JAK1: variants seen among roughly 807,000 people sequenced by gnomAD.
JAK1 encodes Janus kinase 1.
JAK1 carries 16 observed loss-of-function variants against 136.6 expected under a neutral mutation model. That is an observed-to-expected ratio of 0.12 (90% CI 0.08 to 0.18). The LOEUF is 0.18. JAK1 is among the 10% of genes least tolerant of loss of function. The pLI is 1.00. For synonymous variants in JAK1, 492 were observed against 519.5 expected, an observed-to-expected ratio of 0.95 and a Z score of 0.72; for missense variants, 859 against 1,450.1, an observed-to-expected ratio of 0.59 and a Z score of 6.62.
chr1:64,882,832 G>C (rs916027509), intron 3 of JAK1, among the ~76,000 whole-genome samples: 1 of 152,194 alleles, frequency 6.6e-6, no homozygotes, highest in African/African-American at 2.4e-5. Flanking sequence ...GCAGCAGAAG[G>C]AGGGGTCAAA....
At chr1:65,059,018 A>T (rs1444971076) in intron 1 of JAK1, among the ~76,000 whole-genome samples, 1 of 152,094 alleles carries the variant, frequency 6.6e-6, no homozygotes, top group East Asian at 1.9e-4. Flanking sequence ...AACATTCAAA[A>T]CTGCTCTATA....
intron 20 of JAK1, among the ~76,000 whole-genome samples, chr1:64,838,921 G>C (rs953061711): frequency 1.8e-4 from 27 of 151,746 alleles, no homozygotes; most frequent in Non-Finnish European, 3.4e-4. Flanking sequence ...CGAGGCGGGC[G>C]GATCACGAGG....
intron 1 of JAK1, among the ~76,000 whole-genome samples, chr1:65,052,634 A>G (rs796639429): frequency 2.0e-5 from 3 of 152,184 alleles, no homozygotes; most frequent in East Asian, 3.9e-4. Context: ...TAACACGATG[A>G]AATCCCATCT....
chr1:65,025,962 A>T (rs1256634226), intron 2 of JAK1, among the ~76,000 whole-genome samples: 1 of 152,154 alleles, frequency 6.6e-6, no homozygotes, highest in East Asian at 1.9e-4. Context: ...TACAGGCATG[A>T]GCCACCACAC....
rs191719554 is a variant in JAK1 at position 64,888,089 on chromosome 1, A to G, written c.-77-1748T>C. The stretch of plus-strand genomic sequence containing the variant: ...TCACAACTCAGCCTTTTAGGACAGG[A>G]AGAGAACTGTAAGTTCCACCAGGCC... On this transcript the variant is annotated intron_variant, in intron 1 of 24. Coordinates refer to ENST00000342505, the MANE Select transcript of JAK1 (RefSeq NM_002227.4). Among the ~76,000 whole-genome samples the G allele has an allele frequency of 1.1e-4, 16 of 152,326 alleles. No individual in the cohort carries two copies. In the East Asian group the frequency reaches 3.1e-3, roughly 29 times the overall value.
Position 65,020,079 on chromosome 1 carries a change from G to A in JAK1, c.-78+24401C>T, listed in dbSNP as rs144378511. On this transcript the variant is annotated intron_variant, in intron 2 of 25. Transcript: ENST00000671954. ...CATCTCTACTAAAAGTATAAAATTAGCCAGGTGTGCTGGTGCATGCCTGTA... is the reference window on the plus strand; with the variant it reads ...CATCTCTACTAAAAGTATAAAATTAACCAGGTGTGCTGGTGCATGCCTGTA... 1.9e-4 allele frequency among the ~76,000 whole-genome samples: 29 copies of A among 151,526 alleles called. No individual in the cohort carries two copies. In the East Asian group the frequency reaches 5.4e-3, roughly 28 times the overall value.
intron 2 of JAK1, among the ~76,000 whole-genome samples, chr1:65,043,195 A>G (rs1386338621): frequency 6.6e-6 from 1 of 152,214 alleles, no homozygotes; most frequent in Non-Finnish European, 1.5e-5. Context: ...ATGGTATTGC[A>G]TCTTTGTAAT....
At chr1:65,038,541 C>G (rs925379077) in intron 2 of JAK1, among the ~76,000 whole-genome samples, 5 of 151,902 alleles carry the variant, frequency 3.3e-5, no homozygotes, top group Non-Finnish European at 1.5e-5. Context: ...AGAAGGGGAC[C>G]CACTTTTTCA....
chr1:64,939,179 C>T (rs1403177616), intron 1 of JAK1, among the ~76,000 whole-genome samples: 1 of 152,250 alleles, frequency 6.6e-6, no homozygotes, highest in Non-Finnish European at 1.5e-5. Context: ...CCAGGGCACA[C>T]TTTTCTGGCT....
At chr1:65,030,381 C>T (rs1363171707) in intron 2 of JAK1, among the ~76,000 whole-genome samples, 1 of 152,182 alleles carries the variant, frequency 6.6e-6, no homozygotes, top group African/African-American at 2.4e-5. Flanking sequence ...TATCAGAAAC[C>T]ATCCCTTAGA....
chr1:64,950,789 C>A (rs1569693202), intron 1 of JAK1, among the ~76,000 whole-genome samples: 2 of 152,326 alleles, frequency 1.3e-5, no homozygotes, highest in East Asian at 3.9e-4. Flanking sequence ...TTCCTAAATT[C>A]TCTATGTGAC....
upstream of JAK1, chr1:64,966,627 T>C (rs1217522854): frequency 2.3e-5 from 3 of 128,376 alleles, no homozygotes; most frequent in South Asian, 2.6e-4. Context: ...CCTCGCGACG[T>C]CACCAGCGGC....
intron 1 of JAK1, among the ~76,000 whole-genome samples, chr1:65,063,671 G>A (rs1393181016): frequency 1.3e-5 from 2 of 152,018 alleles, no homozygotes; most frequent in Non-Finnish European, 2.9e-5. Context: ...CGGGCGTGGT[G>A]GCACACACCT....
intron 1 of JAK1, among the ~76,000 whole-genome samples, chr1:64,915,821 G>A (rs12562008): frequency 0.14 from 21,141 of 152,164 alleles, 1,642 homozygotes; most frequent in East Asian, 0.28. Flanking sequence ...GAGATGTCAG[G>A]TGAAGCATGG....
At chr1:64,957,532 C>T (rs1483755946) in intron 1 of JAK1, among the ~76,000 whole-genome samples, 3 of 152,154 alleles carry the variant, frequency 2.0e-5, no homozygotes, top group African/African-American at 7.2e-5. Flanking sequence ...TACTGCAGGC[C>T]GGGTGCAGTG....
At chr1:64,951,828 T>G (rs988598156) in intron 1 of JAK1, among the ~76,000 whole-genome samples, 1 of 151,926 alleles carries the variant, frequency 6.6e-6, no homozygotes, top group Non-Finnish European at 1.5e-5. Context: ...CCAGCTAATT[T>G]TTTGTATTTT....
chr1:64,853,742 G>A (rs1181490314), intron 11 of JAK1, among the ~76,000 whole-genome samples: 2 of 144,708 alleles, frequency 1.4e-5, no homozygotes, highest in Non-Finnish European at 3.0e-5. Context: ...GGCCACAGTA[G>A]GCACCCACCA....
At chr1:64,944,803 T>C (rs1432982541) in intron 1 of JAK1, among the ~76,000 whole-genome samples, 2 of 150,560 alleles carry the variant, frequency 1.3e-5, no homozygotes, top group African/African-American at 4.9e-5. Context: ...GTTGTGAGAG[T>C]CCAAGTGATT....
chr1:64,847,691 G>C lies in JAK1; in HGVS notation c.1756-16C>G. Reference sequence around the variant, plus strand: ...GGTGCTCGCCCTGAGGGAAGAAGCAGAAGGCTGGGTGACCTCTCTGTGCCC... The same window carrying C: ...GGTGCTCGCCCTGAGGGAAGAAGCACAAGGCTGGGTGACCTCTCTGTGCCC... On this transcript the variant is annotated splice_polypyrimidine_tract_variant and intron_variant, in intron 12 of 24. Coordinates refer to ENST00000342505, the MANE Select transcript of JAK1 (RefSeq NM_002227.4). The C allele has an allele frequency of 5.6e-6, 9 of 1,612,776 alleles. No individual in the cohort carries two copies. Among genetic ancestry groups the C allele is most frequent in the Non-Finnish European group, 7.6e-6 (9 of 1,179,344 alleles).
Sources: allele counts gnomAD v4.1 joint callset (sites outside exome capture counted in the v4.1 genomes callset), GRCh38; gene constraint gnomAD v4.1.1; transcripts MANE v1.5; gene names NCBI Gene and HGNC (gene_info 2026-07-23, HGNC 2026-07-21).